Variants in MYO16 observed in about 807,000 individuals in gnomAD.
The protein encoded by MYO16 is myosin XVI.
In MYO16, 94 loss-of-function variants were observed where a neutral mutation model predicts 205.3. The ratio of observed to expected loss-of-function variants is 0.46; its 90% CI spans 0.39 to 0.54. The LOEUF is 0.54. Among genes scored for constraint, MYO16 ranks in the 20% least tolerant of loss-of-function variants. The pLI is 0.00. For missense variants in MYO16, 2,315 were observed against 2,387.5 expected (o/e 0.97, Z 0.63); for synonymous variants, 988 against 954.0 (o/e 1.04, Z -0.66).
intron 21 of MYO16, among the ~76,000 whole-genome samples, chr13:109,007,028 A>G (rs1461878346): frequency 6.6e-6 from 1 of 152,178 alleles, no homozygotes; most frequent in Non-Finnish European, 1.5e-5. Flanking sequence ...CGACTCAGTC[A>G]AATAACGCCG....
chr13:108,850,254 A>G (rs1027963855), intron 10 of MYO16, among the ~76,000 whole-genome samples: 6 of 152,204 alleles, frequency 3.9e-5, no homozygotes, highest in Non-Finnish European at 7.3e-5. Flanking sequence ...GACATGTGCT[A>G]CCAACCTCCC....
intron 20 of MYO16, among the ~76,000 whole-genome samples, chr13:108,978,659 T>C (rs958372784): frequency 6.6e-6 from 1 of 152,024 alleles, no homozygotes; most frequent in African/African-American, 2.4e-5. Flanking sequence ...TGAGATTCTT[T>C]TGTTTTTGTC....
At chr13:108,659,061 CT>C (rs1303023819) in intron 1 of MYO16, among the ~76,000 whole-genome samples, 141 of 143,730 alleles carry the variant, frequency 9.8e-4, no homozygotes, top group African/African-American at 1.2e-3. Flanking sequence ...TTTACATATT[CT>C]TTTTTTTTTT....
chr13:108,808,846 G>T (rs531901530), intron 7 of MYO16, among the ~76,000 whole-genome samples: 3 of 152,032 alleles, frequency 2.0e-5, no homozygotes, highest in African/African-American at 4.8e-5. Flanking sequence ...CATGCCATGC[G>T]TCAGTGGTAG....
chr13:109,088,937 G>GC, intron 27 of MYO16, among the ~76,000 whole-genome samples: 1 of 152,258 alleles, frequency 6.6e-6, no homozygotes, highest in East Asian at 1.9e-4. Context: ...CTGGGTTTCT[G>GC]CCAACGGCGT....
intron 29 of MYO16, among the ~76,000 whole-genome samples, chr13:109,122,395 A>T (rs1431406392): frequency 6.6e-6 from 1 of 152,214 alleles, no homozygotes; most frequent in African/African-American, 2.4e-5. Context: ...ATGGTCTTAA[A>T]AGGTCGGGCG....
chr13:108,912,676 G>C (rs1881319543), intron 16 of MYO16, among the ~76,000 whole-genome samples: 1 of 152,000 alleles, frequency 6.6e-6, no homozygotes, highest in Non-Finnish European at 1.5e-5. Flanking sequence ...GACCCTGGGA[G>C]GAAGCACCTA....
intron 27 of MYO16, among the ~76,000 whole-genome samples, chr13:109,094,223 AT>A: frequency 6.6e-6 from 1 of 151,864 alleles, no homozygotes; most frequent in Non-Finnish European, 1.5e-5. Flanking sequence ...TATTTACTTT[AT>A]TTTTTTAAGA....
At chr13:108,666,244 A>T in intron 2 of MYO16, 95 bp downstream of exon 2, 3 of 1,353,714 alleles carry the variant, frequency 2.2e-6, no homozygotes, top group Non-Finnish European at 3.0e-6. Flanking sequence ...GATGGGGCAG[A>T]AAAGTCCTTT....
intron 23 of MYO16, among the ~76,000 whole-genome samples, chr13:109,032,642 A>G (rs1886580916): frequency 6.6e-6 from 1 of 152,230 alleles, no homozygotes; most frequent in African/African-American, 2.4e-5. Flanking sequence ...ACTTTGGTGT[A>G]TGAAGTAAAT....
intron 27 of MYO16, among the ~76,000 whole-genome samples, chr13:109,083,199 A>G (rs1344793125): frequency 2.0e-5 from 3 of 151,898 alleles, no homozygotes; most frequent in African/African-American, 7.3e-5. Context: ...CCTGGCCAAC[A>G]TGGCGAAACC....
intron 33 of MYO16, among the ~76,000 whole-genome samples, chr13:109,179,076 G>A (rs537166694): frequency 6.6e-6 from 1 of 152,220 alleles, no homozygotes; most frequent in South Asian, 2.1e-4. Flanking sequence ...ACTACAGCCA[G>A]TGGAATTCAT....
At chr13:108,502,251 A>G in the MYO16 span, among the ~76,000 whole-genome samples, 2 of 152,118 alleles carry the variant, frequency 1.3e-5, no homozygotes, top group African/African-American at 2.4e-5. Flanking sequence ...TAAATTGTAG[A>G]TTTATTGAAT....
rs372273826 is a variant in MYO16, at chr13:108,867,591, T to C, written c.1425+1349T>C. Among the ~76,000 whole-genome samples the C allele has an allele frequency of 2.6e-5, 4 of 152,330 alleles. No individual in the cohort carries two copies. In the East Asian group the frequency reaches 7.7e-4, roughly 29 times the overall value. On this transcript the variant is annotated intron_variant, in intron 12 of 34. Transcript: ENST00000457511. ...CTGAAATTAATCTGACATGTGGTTA[T>C]TAAATGGTTTTGAGAAAAAGCTCAG...
At chr13:108,913,119 A>G (rs758201884) in intron 16 of MYO16, among the ~76,000 whole-genome samples, 2 of 152,184 alleles carry the variant, frequency 1.3e-5, no homozygotes, top group Non-Finnish European at 2.9e-5. Flanking sequence ...TTCCAACAGG[A>G]AAGAACTTAG....
At chr13:108,853,954 T>TGTGTGTGTG (rs143412032) in intron 10 of MYO16, among the ~76,000 whole-genome samples, 2 of 138,500 alleles carry the variant, frequency 1.4e-5, no homozygotes, top group African/African-American at 5.3e-5. Context: ...GTTTCTATTA[T>TGTGTGTGTG]TGTGTGTGTG....
At chr13:108,776,322 C>T (rs905364572) in intron 4 of MYO16, among the ~76,000 whole-genome samples, 6 of 152,092 alleles carry the variant, frequency 3.9e-5, no homozygotes, top group Admixed American at 2.6e-4. Context: ...GCATAGATTA[C>T]ATAGAGAGGT....
At chr13:108,622,484 A>G (rs1879581324) in intron 1 of MYO16, among the ~76,000 whole-genome samples, 1 of 152,172 alleles carries the variant, frequency 6.6e-6, no homozygotes, top group South Asian at 2.1e-4. Context: ...GGTCAGGGAA[A>G]GGATGTCCCA....
chr13:109,027,294 C>T (rs1313526420), intron 23 of MYO16, among the ~76,000 whole-genome samples: 1 of 152,166 alleles, frequency 6.6e-6, no homozygotes, highest in East Asian at 1.9e-4. Flanking sequence ...TCCAGCCGGA[C>T]CGCATCTTAA....
Sources: gnomAD v4.1 joint callset for allele counts (sites outside exome capture counted in the v4.1 genomes callset) on GRCh38, gnomAD v4.1.1 for gene constraint, MANE v1.5 for transcripts, NCBI Gene and HGNC (gene_info 2026-07-23, HGNC 2026-07-21) for gene names.